Variants in CDK14 observed in about 807,000 individuals in gnomAD.
CDK14 encodes cyclin-dependent kinase 14.
In CDK14, 34 loss-of-function variants were observed where a neutral mutation model predicts 60.7. The observed-to-expected ratio is 0.56, with a 90% CI of 0.43 to 0.75. CDK14 has a LOEUF of 0.75. Ranked by LOEUF, CDK14 falls within the 30% of genes least tolerant of loss-of-function variation. CDK14 has a pLI of 0.00. For missense variants in CDK14, 482 were observed against 564.1 expected, an observed-to-expected ratio of 0.85 and a Z score of 1.47; for synonymous variants, 197 against 203.7, an observed-to-expected ratio of 0.97 and a Z score of 0.28.
chr7:90,837,716 C>G lies in CDK14; in HGVS notation c.545-25459C>G, dbSNP rs1790157067. ...CTGTTCTTCTTTGCTTTTTTTACTA[C>G]TGGATTCTGCCTTCTTGACTCTGAC... On this transcript the variant is annotated intron_variant, in intron 5 of 14. Coordinates refer to ENST00000380050, the MANE Select transcript of CDK14 (RefSeq NM_001287135.2). 2.0e-5 allele frequency among the ~76,000 whole-genome samples: 3 copies of G among 152,064 alleles called. No homozygotes were observed. The South Asian group carries it at 6.2e-4, about 32-fold the overall frequency.
At position 90,730,677 on chromosome 7, in the gene CDK14, C is replaced by T. The variant is rs1220785612; in HGVS notation, c.369+3865C>T. Among the ~76,000 whole-genome samples the T allele has an allele frequency of 2.0e-5, 3 of 152,050 alleles. No individual in the cohort carries two copies. In the South Asian group the frequency reaches 6.2e-4, roughly 32 times the overall value. On this transcript the variant is annotated intron_variant, in intron 3 of 14. Coordinates refer to ENST00000380050, the MANE Select transcript of CDK14 (RefSeq NM_001287135.2). ...CTTTTGAGAATTGTCTGTTCATATTCTTTGCCTACTTTTTGATGTTGTTTT... is the reference window on the plus strand; with the variant it reads ...CTTTTGAGAATTGTCTGTTCATATTTTTTGCCTACTTTTTGATGTTGTTTT...
intron 14 of CDK14, among the ~76,000 whole-genome samples, chr7:91,130,861 A>C (rs1800096191): frequency 6.6e-6 from 1 of 152,166 alleles, no homozygotes; most frequent in South Asian, 2.1e-4. Flanking sequence ...CTAAATCATC[A>C]GGCCATTTTA....
intron 13 of CDK14, among the ~76,000 whole-genome samples, chr7:91,113,820 T>C (rs983929478): frequency 9.9e-5 from 15 of 152,150 alleles, no homozygotes; most frequent in African/African-American, 2.7e-4. Flanking sequence ...TAAATCTTTT[T>C]TTGATATCCC....
At chr7:90,915,394 G>A (rs1793049246) in intron 7 of CDK14, among the ~76,000 whole-genome samples, 1 of 152,274 alleles carries the variant, frequency 6.6e-6, no homozygotes, top group African/African-American at 2.4e-5. Context: ...AGCTGAGATT[G>A]TGCCACTGTG....
At chr7:91,170,255 AT>A (rs200662313) in intron 14 of CDK14, among the ~76,000 whole-genome samples, 1,711 of 152,290 alleles carry the variant, frequency 0.011, 27 homozygotes, top group African/African-American at 0.037. Flanking sequence ...ATAAATGCTC[AT>A]TTTAGCATAT....
At chr7:91,022,381 TG>T (rs1034502381) in intron 10 of CDK14, among the ~76,000 whole-genome samples, 1 of 151,774 alleles carries the variant, frequency 6.6e-6, no homozygotes, top group African/African-American at 2.4e-5. Flanking sequence ...ACAGCAGCCC[TG>T]GTTTCTATCA....
intron 10 of CDK14, among the ~76,000 whole-genome samples, chr7:91,001,998 G>T (rs570406696): frequency 6.6e-6 from 1 of 152,328 alleles, no homozygotes; most frequent in Admixed American, 6.5e-5. Context: ...ATTCTGGAAT[G>T]AAAGATTACC....
intron 14 of CDK14, among the ~76,000 whole-genome samples, chr7:91,174,061 G>A (rs1315913977): frequency 1.3e-5 from 2 of 152,166 alleles, no homozygotes; most frequent in African/African-American, 4.8e-5. Context: ...GTCCCTGTAT[G>A]ACAGCTTTGA....
At chr7:91,045,693 CT>C (rs777719109) in intron 10 of CDK14, among the ~76,000 whole-genome samples, 2 of 152,132 alleles carry the variant, frequency 1.3e-5, no homozygotes, top group Admixed American at 6.5e-5. Context: ...CCACATTCAG[CT>C]GTATTTGTTA....
chr7:91,029,986 G>A (rs1399762463), intron 10 of CDK14, among the ~76,000 whole-genome samples: 1 of 152,104 alleles, frequency 6.6e-6, no homozygotes, highest in Non-Finnish European at 1.5e-5. Flanking sequence ...GGGCCTTGTG[G>A]CCCCAGAGAG....
chr7:90,861,090 C>T lies in CDK14; in HGVS notation c.545-2085C>T, dbSNP rs568424073. 5.8e-4 allele frequency among the ~76,000 whole-genome samples: 89 copies of T among 152,214 alleles called. 1 individual carries two copies. Among genetic ancestry groups the T allele is most frequent in the Non-Finnish European group, 1.0e-3 (70 of 68,018 alleles). The stretch of plus-strand genomic sequence containing the variant: ...GGAAGAGCTACTAGGTGGCAGCAGG[C>T]TCTTCTTATTCAGAATAGCCACCCC... On this transcript the variant is annotated intron_variant, in intron 5 of 14. Transcript: ENST00000380050.
chr7:90,792,851 T>TAG (rs756725953), intron 5 of CDK14, among the ~76,000 whole-genome samples: 65,973 of 151,890 alleles, frequency 0.43, 15,098 homozygotes, highest in East Asian at 0.82. Context: ...CTGATTTTCT[T>TAG]CAAACATGCT....
At chr7:90,601,922 T>TATGTATG (rs1799322456) in intron 1 of CDK14, among the ~76,000 whole-genome samples, 17 of 143,388 alleles carry the variant, frequency 1.2e-4, no homozygotes, top group African/African-American at 3.7e-4. Flanking sequence ...TTGGCTAATT[T>TATGTATG]TATGTATGTA....
chr7:91,170,197 A>G (rs1562979326), intron 14 of CDK14, among the ~76,000 whole-genome samples: 1 of 152,242 alleles, frequency 6.6e-6, no homozygotes, highest in South Asian at 2.1e-4. Flanking sequence ...GTTCACAGAT[A>G]TGGAAAGGAC....
Position 90,948,519 on chromosome 7 carries a change from A to T in CDK14, c.827-7178A>T, listed in dbSNP as rs115948839. ...TTAGTACTTGAATGAATTAGTACTT[A>T]AAGTTAACCTAGTCTGTCCCAGGAG... On this transcript the variant is annotated intron_variant, in intron 8 of 14. Transcript: ENST00000380050. Among the ~76,000 whole-genome samples, 1,065 of 152,360 alleles carry T rather than the reference A, an allele frequency of 7.0e-3. 17 individuals carry two copies. Among genetic ancestry groups the T allele is most frequent in the African/African-American group, 0.025 (1,029 of 41,582 alleles).
chr7:90,746,617 G>A (rs1450148995), intron 3 of CDK14, among the ~76,000 whole-genome samples: 1 of 151,972 alleles, frequency 6.6e-6, no homozygotes, highest in Non-Finnish European at 1.5e-5. Flanking sequence ...TTATATAATA[G>A]CAACAGTATA....
chr7:91,133,185 T>A (rs1387680355), intron 14 of CDK14, among the ~76,000 whole-genome samples: 1 of 152,104 alleles, frequency 6.6e-6, no homozygotes, highest in African/African-American at 2.4e-5. Flanking sequence ...TACTCAGCAG[T>A]CAATTGGTGT....
chr7:90,959,608 A>T (rs1794538148), intron 9 of CDK14, among the ~76,000 whole-genome samples: 1 of 152,164 alleles, frequency 6.6e-6, no homozygotes, highest in Non-Finnish European at 1.5e-5. Flanking sequence ...TGGGGCAGTA[A>T]GGTAGTAACT....
intron 14 of CDK14, among the ~76,000 whole-genome samples, chr7:91,128,155 G>A (rs1464424819): frequency 6.6e-6 from 1 of 152,034 alleles, no homozygotes. Context: ...TCTTTGCCTT[G>A]GGTTTCTCTT....
Sources: allele counts gnomAD v4.1 joint callset (sites outside exome capture counted in the v4.1 genomes callset), GRCh38; gene constraint gnomAD v4.1.1; transcripts MANE v1.5; gene names NCBI Gene and HGNC (gene_info 2026-07-23, HGNC 2026-07-21).